Variants in TESPA1 observed in about 807,000 individuals in gnomAD.
The protein encoded by TESPA1 is protein TESPA1.
Under a neutral mutation model 57.9 loss-of-function variants are expected in TESPA1, and 33 were observed. The ratio of observed to expected loss-of-function variants is 0.57; its 90% CI spans 0.43 to 0.76. TESPA1 has a LOEUF of 0.76. Among genes scored for constraint, TESPA1 ranks in the 30% least tolerant of loss-of-function variants. The probability of loss-of-function intolerance (pLI) is 0.00; values close to 1 mark genes in which losing one functional copy is unlikely to be tolerated. For missense variants in TESPA1, 618 were observed against 632.9 expected, an observed-to-expected ratio of 0.98 and a Z score of 0.25; for synonymous variants, 227 against 228.9, an observed-to-expected ratio of 0.99 and a Z score of 0.07.
At chr12:54,967,985 T>C in intron 3 of TESPA1, 93 bp from the exon 4 acceptor site, 3 of 1,586,308 alleles carry the variant, frequency 1.9e-6, no homozygotes, top group Non-Finnish European at 2.6e-6. Flanking sequence ...CATATTCTTT[T>C]CCAGTGAGAG....
In TESPA1 at chr12:54,962,469, A is replaced by C. The variant is rs1392123201; in HGVS notation, c.1429T>G (p.Leu477Val). The change falls in exon 9 of 11, where the codon TTA (leucine) becomes GTA (valine). Residue 477 changes from leucine to valine, a missense_variant. By Grantham distance (32) the Leu-to-Val change is conservative (BLOSUM62 1). Transcript: ENST00000449076. ...AAAGTGTCCTGTGGCTGCTGGCTTA[A>C]AGACCGACGCAGTTCTGGTCTGTCT... ...SVDRPELRRS[L>V]SQQPQDTFDL... 6.2e-7 allele frequency: 1 copy of C among 1,612,458 alleles called. No individual in the cohort carries two copies.
chr12:54,964,060 A>G (rs968643931), intron 7 of TESPA1, 110 bp from the exon 8 acceptor site: 3 of 1,136,746 alleles, frequency 2.6e-6, no homozygotes, highest in Non-Finnish European at 3.8e-6. Flanking sequence ...TTTTCTGTCC[A>G]TTTCTCTACT....
chr12:54,965,484 C>A (rs1371373162), intron 7 of TESPA1, among the ~76,000 whole-genome samples: 2 of 152,116 alleles, frequency 1.3e-5, no homozygotes, highest in African/African-American at 4.8e-5. Flanking sequence ...CTGAGGATAA[C>A]GGCTTCCAGC....
intron 3 of TESPA1, among the ~76,000 whole-genome samples, chr12:54,968,416 A>T (rs1951587398): frequency 6.6e-6 from 1 of 152,198 alleles, no homozygotes. Context: ...GATATTTTAA[A>T]ATTTTCAGAC....
chr12:54,974,360 G>A (rs200765870), intron 2 of TESPA1, 40 bp downstream of exon 2: 43 of 1,518,566 alleles, frequency 2.8e-5, no homozygotes, highest in East Asian at 1.5e-4. Context: ...ACCTTTTGCC[G>A]CCAGACAACA....
chr12:54,973,662 T>C lies in TESPA1; in HGVS notation c.164-143A>G. 3 of 1,498,070 alleles carry C rather than the reference T, an allele frequency of 2.0e-6. No individual in the cohort carries two copies. In the Admixed American group the frequency reaches 6.7e-5, roughly 33 times the overall value. The allele number at this position is 1,498,070 out of a possible 1,614,324, so 92.8% of individuals were successfully genotyped here. A position where few individuals can be genotyped will look rare whatever the true frequency, so the allele number is the denominator to read the frequency against. On this transcript the variant is annotated intron_variant, in intron 2 of 10. Coordinates refer to ENST00000449076, the MANE Select transcript of TESPA1 (RefSeq NM_001136030.3). ...CTACATAAAGCTTTTCTTTAAGATA[T>C]GAGAGGAATACACCGTATATAAAAA...
Position 54,962,430 on chromosome 12 carries a change from C to G in TESPA1, c.1467+1G>C. 6.2e-7 allele frequency: 1 copy of G among 1,609,176 alleles called. No homozygotes were observed. Among genetic ancestry groups the G allele is most frequent in the Non-Finnish European group, 8.5e-7 (1 of 1,177,676 alleles). ...CTCTCCCTCACCTCCAACCCACTTA[C>G]CTCCTCCAAGTCAAAAGTGTCCTGT... On this transcript the variant is annotated splice_donor_variant, in intron 9 of 10. Coordinates refer to ENST00000449076, the MANE Select transcript of TESPA1 (RefSeq NM_001136030.3). LOFTEE classifies it high-confidence loss of function.
rs781542129 is a variant in TESPA1 at position 54,950,347 on chromosome 12, G to A, written c.*45C>T. On this transcript the variant is annotated 3_prime_UTR_variant, in exon 11 of 11. Coordinates refer to ENST00000449076, the MANE Select transcript of TESPA1 (RefSeq NM_001136030.3). ...GGTGGCTTTTAGTTTCTTCTTTGAA[G>A]CCAATTCTGTCAGACCACATGCTGT... 34 of 456,796 alleles carry A rather than the reference G, an allele frequency of 7.4e-5. 2 individuals are homozygous for A. The highest frequency in any genetic ancestry group is 5.3e-4 in the South Asian group (34 of 64,560). The allele number at this position is 456,796 out of a possible 1,614,324, so 28.3% of individuals were successfully genotyped here. A position where few individuals can be genotyped will look rare whatever the true frequency, so the allele number is the denominator to read the frequency against.
chr12:54,958,498 G>T (rs535952640), intron 10 of TESPA1, among the ~76,000 whole-genome samples: 14,128 of 150,316 alleles, frequency 0.094, 1,605 homozygotes, highest in African/African-American at 0.25. Flanking sequence ...GCGTTTTTTT[G>T]TGCGTGTGTT....
At chr12:54,979,779 A>C (rs1327424168) in intron 1 of TESPA1, among the ~76,000 whole-genome samples, 1 of 152,198 alleles carries the variant, frequency 6.6e-6, no homozygotes, top group African/African-American at 2.4e-5. Flanking sequence ...GGTATGTCAT[A>C]ATTATGACTC....
chr12:54,955,162 G>A (rs1324250340), intron 10 of TESPA1, among the ~76,000 whole-genome samples: 8 of 152,086 alleles, frequency 5.3e-5, no homozygotes, highest in African/African-American at 1.9e-4. Context: ...ATTTTGATTT[G>A]CATTTTCTTG....
chr12:54,970,089 A>G (rs2046689), intron 3 of TESPA1, among the ~76,000 whole-genome samples: 55,411 of 151,886 alleles, frequency 0.36, 12,998 homozygotes, highest in East Asian at 0.92. Context: ...TGCCTGGCTA[A>G]TTTTAAAAAA....
intron 4 of TESPA1, 101 bp downstream of exon 4, chr12:54,967,742 T>C (rs1490302772): frequency 4.4e-6 from 6 of 1,373,242 alleles, no homozygotes; most frequent in African/African-American, 2.9e-5. Flanking sequence ...CTCTTTTGCA[T>C]GCCTATGCAT....
At chr12:54,970,049 C>T (rs1000927589) in intron 3 of TESPA1, among the ~76,000 whole-genome samples, 2 of 152,204 alleles carry the variant, frequency 1.3e-5, no homozygotes, top group African/African-American at 2.4e-5. Flanking sequence ...GCCTCAATCT[C>T]CTGAGTAGCT....
chr12:54,978,133 C>T (rs1322046571), intron 1 of TESPA1, among the ~76,000 whole-genome samples: 1 of 151,984 alleles, frequency 6.6e-6, no homozygotes, highest in Non-Finnish European at 1.5e-5. Context: ...GTCAAGATAG[C>T]AGCTTTGTAG....
chr12:54,955,026 C>G (rs1478166742), intron 10 of TESPA1, among the ~76,000 whole-genome samples: 3 of 152,178 alleles, frequency 2.0e-5, no homozygotes, highest in Non-Finnish European at 1.5e-5. Flanking sequence ...TTTCCATAGC[C>G]GTTGCACCAT....
intron 1 of TESPA1, among the ~76,000 whole-genome samples, chr12:54,979,909 G>A (rs1952252382): frequency 6.6e-6 from 1 of 152,152 alleles, no homozygotes; most frequent in African/African-American, 2.4e-5. Flanking sequence ...ATAGAGTACT[G>A]CATATTTATC....
chr12:54,960,532 C>T (rs748570537), intron 10 of TESPA1, among the ~76,000 whole-genome samples: 2 of 152,192 alleles, frequency 1.3e-5, no homozygotes, highest in Non-Finnish European at 2.9e-5. Flanking sequence ...CTGATTAGAA[C>T]ATAGCTGAAA....
In TESPA1 at chr12:54,962,794, T is replaced by C. The variant is rs939940778; in HGVS notation, c.1104A>G (p.Thr368=). The change falls in exon 9 of 11, where the codon ACA becomes ACG. Residue 368 remains threonine (T), a synonymous_variant. Transcript: ENST00000449076. ...CTAGCACTGTGGACATCCTCTGCTG[T>C]GTTTCCTCTTCACAGCAGAAGACAC... is the stretch of plus-strand genomic sequence containing the variant. ...YPCVFCCEEE[T]QQRMSTVLAP... is the part of the protein sequence containing the mutation. 1.2e-6 allele frequency: 2 copies of C among 1,613,946 alleles called. No homozygotes were observed. The highest frequency in any genetic ancestry group is 3.3e-5 in the Admixed American group (2 of 60,018).
Sources: allele counts gnomAD v4.1 joint callset (sites outside exome capture counted in the v4.1 genomes callset), GRCh38; gene constraint gnomAD v4.1.1; transcripts MANE v1.5; gene names NCBI Gene and HGNC (gene_info 2026-07-23, HGNC 2026-07-21).